The following SORCS2 variants were observed in gnomAD, a reference collection of about 807,000 sequenced individuals.
SORCS2 encodes the protein sortilin related VPS10 domain containing receptor 2, also known as VPS10 domain-containing receptor SorCS2.
A neutral mutation model predicts 141.6 loss-of-function variants in SORCS2; 100 were observed. That is an observed-to-expected ratio of 0.71 (90% CI 0.60 to 0.83). The LOEUF is 0.83. Among genes scored for constraint, SORCS2 ranks in the 40% least tolerant of loss-of-function variants. The probability of loss-of-function intolerance (pLI) is 0.00; values close to 1 mark genes in which losing one functional copy is unlikely to be tolerated. For missense variants in SORCS2, 1,646 were observed against 1,560.2 expected (o/e 1.05, Z -0.93); for synonymous variants, 789 against 676.9 (o/e 1.17, Z -2.57).
intron 1 of SORCS2, among the ~76,000 whole-genome samples, chr4:7,344,785 C>T (rs1027714641): frequency 2.0e-5 from 3 of 152,214 alleles, no homozygotes; most frequent in Non-Finnish European, 2.9e-5. Flanking sequence ...AAACCCCATA[C>T]TGCACCTCAC....
At chr4:7,671,129 A>G (rs1445477830) in intron 8 of SORCS2, among the ~76,000 whole-genome samples, 1 of 152,078 alleles carries the variant, frequency 6.6e-6, no homozygotes, top group East Asian at 1.9e-4. Flanking sequence ...TTAAGCTTAC[A>G]TGTAAGGCTG....
chr4:7,714,425 C>T, intron 16 of SORCS2, 52 bp downstream of exon 16: 3 of 1,524,686 alleles, frequency 2.0e-6, no homozygotes, highest in Admixed American at 2.0e-5. Context: ...TGAGCATCCT[C>T]ACAGCATGGC....
At chr4:7,713,086 T>TGGGGCTACA (rs1190533928) in intron 15 of SORCS2, among the ~76,000 whole-genome samples, 1 of 151,664 alleles carries the variant, frequency 6.6e-6, no homozygotes, top group African/African-American at 2.4e-5. Flanking sequence ...TCGGGGAGTG[T>TGGGGCTACA]GGGGCTACAG....
At chr4:7,519,044 G>C (rs574771994) in intron 2 of SORCS2, among the ~76,000 whole-genome samples, 8 of 152,314 alleles carry the variant, frequency 5.3e-5, no homozygotes, top group African/African-American at 1.9e-4. Context: ...GCTGGCATGG[G>C]ACTGGAGGGT....
intron 25 of SORCS2, among the ~76,000 whole-genome samples, 195 bp from the exon 26 acceptor site, chr4:7,736,874 G>A (rs1195478313): frequency 6.6e-6 from 1 of 152,218 alleles, no homozygotes; most frequent in Non-Finnish European, 1.5e-5. Flanking sequence ...ATGCAGGAGG[G>A]AGGGCTTCCT....
At chr4:7,372,059 T>A (rs938671389) in intron 1 of SORCS2, among the ~76,000 whole-genome samples, 3 of 152,004 alleles carry the variant, frequency 2.0e-5, no homozygotes, top group Non-Finnish European at 4.4e-5. Flanking sequence ...AACAAGTGGG[T>A]CTTGGGATAT....
intron 1 of SORCS2, among the ~76,000 whole-genome samples, chr4:7,196,502 A>G (rs559808078): frequency 6.6e-6 from 1 of 152,186 alleles, no homozygotes; most frequent in South Asian, 2.1e-4. Context: ...TTGATCCTCA[A>G]CTTTGAAGCT....
intron 2 of SORCS2, among the ~76,000 whole-genome samples, chr4:7,472,211 A>G (rs138403784): frequency 2.0e-5 from 3 of 152,216 alleles, no homozygotes; most frequent in Non-Finnish European, 4.4e-5. Flanking sequence ...GAAGGGACAG[A>G]CAGGTCCATG....
chr4:7,682,718 A>G (rs1224169442), intron 9 of SORCS2, 25 bp from the exon 10 acceptor site: 1 of 1,594,086 alleles, frequency 6.3e-7, no homozygotes, highest in East Asian at 2.3e-5. Context: ...GTAAGTTTAC[A>G]GTCCTTCTTT....
At chr4:7,740,065 C>T (rs796208882) in intron 26 of SORCS2, 135 bp from the exon 27 acceptor site, 18 of 700,054 alleles carry the variant, frequency 2.6e-5, no homozygotes, top group African/African-American at 1.9e-4. Context: ...TGCACCTGCA[C>T]GGGCTGAAGG....
chr4:7,664,485 TG>T lies in SORCS2; in HGVS notation c.1071+18del. The T allele has an allele frequency of 1.3e-6, 2 of 1,564,846 alleles. No individual in the cohort carries two copies. The highest frequency in any genetic ancestry group is 1.7e-6 in the Non-Finnish European group (2 of 1,149,798). On this transcript the variant is annotated intron_variant, in intron 7 of 26. Transcript: ENST00000507866. This position sits in a 1 kb window ranked among gnomAD's most constrained non-coding sequence, Gnocchi z 4.7. ...ATCTTCTTTAAGGTAAGGTTGCTTC[TG>T]GGGCTTTTGGAAATTGGCAACAGGT...
chr4:7,397,989 A>G (rs949583207), intron 2 of SORCS2, among the ~76,000 whole-genome samples: 5 of 152,218 alleles, frequency 3.3e-5, no homozygotes, highest in Admixed American at 6.5e-5. Flanking sequence ...AAGTTTCCAG[A>G]GTACCCGCTT....
chr4:7,651,969 C>A (rs929033279), intron 4 of SORCS2, among the ~76,000 whole-genome samples: 2 of 152,174 alleles, frequency 1.3e-5, no homozygotes, highest in Admixed American at 6.5e-5. Context: ...GGGAAGGGAG[C>A]GGAGAATAGG....
At chr4:7,438,481 C>G (rs1267550049) in intron 2 of SORCS2, among the ~76,000 whole-genome samples, 1 of 152,192 alleles carries the variant, frequency 6.6e-6, no homozygotes, top group Non-Finnish European at 1.5e-5. Flanking sequence ...ATGTAACTAT[C>G]TTGTTCCTCA....
chr4:7,706,501 C>CGCCTGGGCAGGGATGAGGCTGGGCTCT, intron 14 of SORCS2, among the ~76,000 whole-genome samples: 1 of 90,110 alleles, frequency 1.1e-5, no homozygotes, highest in African/African-American at 4.4e-5. Context: ...GGCTGGGCTC[C>CGCCTGGGCAGGGATGAGGCTGGGCTCT]GCCTGGGCAG....
intron 18 of SORCS2, among the ~76,000 whole-genome samples, chr4:7,719,030 C>A (rs550002366): frequency 6.6e-6 from 1 of 152,324 alleles, no homozygotes; most frequent in Non-Finnish European, 1.5e-5. Context: ...AAAGAGGGTT[C>A]GATGCATCCG....
chr4:7,611,888 G>A (rs986904149), intron 3 of SORCS2, among the ~76,000 whole-genome samples: 1 of 152,228 alleles, frequency 6.6e-6, no homozygotes, highest in Non-Finnish European at 1.5e-5. Context: ...AGACAGGCTT[G>A]CCGAGCCCTG....
At chr4:7,536,144 A>G (rs763414609) in intron 3 of SORCS2, among the ~76,000 whole-genome samples, 3 of 152,238 alleles carry the variant, frequency 2.0e-5, no homozygotes, top group Non-Finnish European at 4.4e-5. Context: ...GGCCGAGGGC[A>G]TCAGAGGGCC....
Position 7,682,900 on chromosome 4 carries a change from C to G in SORCS2, c.1488+11C>G. 2 of 1,611,874 alleles carry G rather than the reference C, an allele frequency of 1.2e-6. No homozygotes were observed. Among genetic ancestry groups the G allele is most frequent in the Non-Finnish European group, 1.7e-6 (2 of 1,179,134 alleles). On this transcript the variant is annotated intron_variant, in intron 10 of 26. Coordinates refer to ENST00000507866, the MANE Select transcript of SORCS2 (RefSeq NM_020777.3). Reference sequence around the variant, plus strand: ...ACCAACTGCAAGCCTGTAAGTACCTCTGCTCACATCACACACCATCCTTGG... The same window carrying G: ...ACCAACTGCAAGCCTGTAAGTACCTGTGCTCACATCACACACCATCCTTGG...
Sources: allele counts gnomAD v4.1 joint callset (sites outside exome capture counted in the v4.1 genomes callset), GRCh38; gene constraint gnomAD v4.1.1; non-coding constraint Gnocchi (gnomAD v3.1); transcripts MANE v1.5; gene names NCBI Gene and HGNC (gene_info 2026-07-23, HGNC 2026-07-21).